Variants in SLC6A6 observed in about 807,000 individuals in gnomAD.
The protein encoded by SLC6A6 is sodium- and chloride-dependent taurine transporter.
A neutral mutation model predicts 68.8 loss-of-function variants in SLC6A6; 16 were observed. The observed-to-expected ratio is 0.23, with a 90% CI of 0.16 to 0.35. SLC6A6 has a LOEUF of 0.35. SLC6A6 is among the 10% of genes least tolerant of loss of function. The pLI, the probability that SLC6A6 is intolerant of heterozygous loss-of-function variation, is 1.00. For missense variants in SLC6A6, 474 were observed against 802.8 expected (o/e 0.59, Z 4.95); for synonymous variants, 312 against 315.4 (o/e 0.99, Z 0.12).
intron 10 of SLC6A6, among the ~76,000 whole-genome samples, chr3:14,473,956 A>C (rs1467718572): frequency 1.3e-5 from 2 of 152,228 alleles, no homozygotes; most frequent in Non-Finnish European, 2.9e-5. Flanking sequence ...TTTTCTCCCC[A>C]GGAAGTGGGG....
intron 1 of SLC6A6, among the ~76,000 whole-genome samples, chr3:14,406,163 A>AG (rs903000725): frequency 6.6e-6 from 1 of 152,010 alleles, no homozygotes; most frequent in African/African-American, 2.4e-5. Flanking sequence ...GATGGTGGGG[A>AG]GGGGGGCGTT....
At chr3:14,419,018 G>A (rs946515766) in intron 2 of SLC6A6, among the ~76,000 whole-genome samples, 18 of 152,230 alleles carry the variant, frequency 1.2e-4, no homozygotes, top group African/African-American at 4.3e-4. Flanking sequence ...CCGTGAGGCT[G>A]GAATGTGAGT....
chr3:14,427,668 C>T (rs1045337816), intron 2 of SLC6A6, among the ~76,000 whole-genome samples: 4 of 152,190 alleles, frequency 2.6e-5, no homozygotes, highest in Non-Finnish European at 4.4e-5. Context: ...ATCCTGGGGG[C>T]CACCAGCAAG....
At chr3:14,408,010 T>C (rs1699149184) in intron 1 of SLC6A6, among the ~76,000 whole-genome samples, 1 of 152,098 alleles carries the variant, frequency 6.6e-6, no homozygotes, top group Non-Finnish European at 1.5e-5. Context: ...AATGCGTTCA[T>C]CCATGCTGTT....
At chr3:14,454,369 C>T (rs986780842) in intron 5 of SLC6A6, among the ~76,000 whole-genome samples, 6 of 152,058 alleles carry the variant, frequency 3.9e-5, no homozygotes, top group Non-Finnish European at 8.8e-5. Context: ...AGTGGCAGGG[C>T]GCCATGGCGT....
At chr3:14,441,139 C>T (rs1330874931) in intron 2 of SLC6A6, among the ~76,000 whole-genome samples, 1 of 152,100 alleles carries the variant, frequency 6.6e-6, no homozygotes, top group African/African-American at 2.4e-5. Flanking sequence ...AGCCGGGACT[C>T]TCAGGGTAGC....
At chr3:14,473,480 C>T (rs1053317510) in intron 10 of SLC6A6, among the ~76,000 whole-genome samples, 8 of 152,184 alleles carry the variant, frequency 5.3e-5, no homozygotes, top group East Asian at 3.9e-4. Flanking sequence ...CCCCTCCCCG[C>T]GGGCCGAAGT....
rs548672902 is a variant in SLC6A6, at chr3:14,469,399, C to T, written c.1096+1187C>T. ...GCCCTGCCATTCCACTGCCCTTGAC[C>T]TCCTGTGCCATCTGTATTTGGAACA... On this transcript the variant is annotated intron_variant, in intron 9 of 14. Coordinates refer to ENST00000622186, the MANE Select transcript of SLC6A6 (RefSeq NM_003043.6). Among the ~76,000 whole-genome samples the T allele has an allele frequency of 3.9e-5, 6 of 152,264 alleles. No individual in the cohort carries two copies. The South Asian group carries it at 1.0e-3, about 26-fold the overall frequency.
intron 2 of SLC6A6, among the ~76,000 whole-genome samples, chr3:14,416,974 A>T (rs1015762090): frequency 7.9e-5 from 12 of 152,220 alleles, no homozygotes; most frequent in Admixed American, 7.8e-4. Flanking sequence ...CCTCCCTAGC[A>T]GCTGGCACTA....
At chr3:14,445,161 G>A (rs977911647) in intron 3 of SLC6A6, among the ~76,000 whole-genome samples, 3 of 152,168 alleles carry the variant, frequency 2.0e-5, no homozygotes, top group Non-Finnish European at 4.4e-5. Flanking sequence ...GGTGGCTCAC[G>A]CCTGTAATCC....
At position 14,447,221 on chromosome 3, in the gene SLC6A6, T is replaced by TATCCATCCATCC. The variant is rs3836358; in HGVS notation, c.365-327_365-316dup. Among the ~76,000 whole-genome samples the TATCCATCCATCC allele has an allele frequency of 4.6e-3, 691 of 149,466 alleles. 4 individuals are homozygous for TATCCATCCATCC. Among genetic ancestry groups the TATCCATCCATCC allele is most frequent in the Middle Eastern group, 0.014 (4 of 288 alleles). ...CATCTATTTATCTCATCTATTCAGC[T>TATCCATCCATCC]ATCCATCCATCCATCCATCCATCCA... On this transcript the variant is annotated intron_variant, in intron 4 of 14. Coordinates refer to ENST00000622186, the MANE Select transcript of SLC6A6 (RefSeq NM_003043.6).
Position 14,487,952 on chromosome 3 carries a change from A to C in SLC6A6, c.*2945A>C, listed in dbSNP as rs1701217638. ...GTTCAGGGATGAGGGGAGCAGCAGC[A>C]GCCACACTCCCACCATCCTCACAGA... On this transcript the variant is annotated 3_prime_UTR_variant, in exon 15 of 15. Coordinates refer to ENST00000622186, the MANE Select transcript of SLC6A6 (RefSeq NM_003043.6). 1 of 152,666 alleles carries C rather than the reference A, an allele frequency of 6.6e-6. No homozygotes were observed. 9.5% of individuals were successfully genotyped at this position (152,666 alleles called of 1,614,324 possible). A position where few individuals can be genotyped will look rare whatever the true frequency, so the allele number is the denominator to read the frequency against.
intron 2 of SLC6A6, among the ~76,000 whole-genome samples, chr3:14,425,588 C>T (rs911905465): frequency 2.6e-5 from 4 of 151,632 alleles, no homozygotes; most frequent in African/African-American, 9.7e-5. Context: ...TAAAGGGAAC[C>T]GTTTTCAGAT....
chr3:14,434,337 T>C (rs954334250), intron 2 of SLC6A6, among the ~76,000 whole-genome samples: 1 of 152,208 alleles, frequency 6.6e-6, no homozygotes, highest in African/African-American at 2.4e-5. Flanking sequence ...CGAGCTGCTG[T>C]TGTTATGAAA....
chr3:14,411,891 C>T (rs1272251930), intron 1 of SLC6A6, among the ~76,000 whole-genome samples: 3 of 152,202 alleles, frequency 2.0e-5, no homozygotes, highest in African/African-American at 4.8e-5. Context: ...TCTGGCAGGG[C>T]TATGGACGTC....
Position 14,486,015 on chromosome 3 carries a change from G to T in SLC6A6, c.*1008G>T, listed in dbSNP as rs2125004076. The T allele has an allele frequency of 6.5e-6, 1 of 152,776 alleles. No individual in the cohort carries two copies. Among genetic ancestry groups the T allele is most frequent in the Admixed American group, 6.5e-5 (1 of 15,302 alleles). 9.5% of individuals were successfully genotyped at this position (152,776 alleles called of 1,614,324 possible). A position where few individuals can be genotyped will look rare whatever the true frequency, so the allele number is the denominator to read the frequency against. Reference sequence around the variant, plus strand: ...TTGCATTTGAATGGGGTCATAGCAGGTTCTGGTCATTCCCCAAGCAACATC... The same window carrying T: ...TTGCATTTGAATGGGGTCATAGCAGTTTCTGGTCATTCCCCAAGCAACATC... On this transcript the variant is annotated 3_prime_UTR_variant, in exon 15 of 15. Transcript: ENST00000622186.
intron 2 of SLC6A6, among the ~76,000 whole-genome samples, chr3:14,437,994 A>ATTTTTTT (rs34038422): frequency 7.3e-4 from 86 of 118,134 alleles, no homozygotes; most frequent in African/African-American, 1.0e-3. Context: ...CATCTGGCTA[A>ATTTTTTT]TTTTTTTTTT....
intron 3 of SLC6A6, chr3:14,444,245 A>G: frequency 5.0e-6 from 1 of 200,716 alleles, no homozygotes; most frequent in East Asian, 1.2e-4. Flanking sequence ...CTTTCCTTTA[A>G]TATTCATGTT....
intron 1 of SLC6A6, among the ~76,000 whole-genome samples, chr3:14,409,428 C>T (rs1205679523): frequency 2.0e-5 from 3 of 152,250 alleles, no homozygotes; most frequent in Non-Finnish European, 1.5e-5. Flanking sequence ...TATCCCCCTT[C>T]CTGTCTCAGA....
Sources: gnomAD v4.1 joint callset for allele counts (sites outside exome capture counted in the v4.1 genomes callset) on GRCh38, gnomAD v4.1.1 for gene constraint, MANE v1.5 for transcripts, NCBI Gene and HGNC (gene_info 2026-07-23, HGNC 2026-07-21) for gene names.